The following ASTN1 variants were observed in gnomAD, a reference collection of about 807,000 sequenced individuals.
ASTN1 encodes astrotactin-1.
ASTN1 carries 41 observed loss-of-function variants against 140.7 expected under a neutral mutation model. That is an observed-to-expected ratio of 0.29 (90% confidence interval 0.23 to 0.38). ASTN1 has a LOEUF of 0.38. Ranked by LOEUF, ASTN1 falls within the 10% of genes least tolerant of loss-of-function variation. The probability of loss-of-function intolerance (pLI) is 1.00; values close to 1 mark genes in which losing one functional copy is unlikely to be tolerated. For missense variants in ASTN1, 1,479 were observed against 1,678.8 expected (o/e 0.88, Z 2.08); for synonymous variants, 640 against 652.2 (o/e 0.98, Z 0.29).
rs571388604 is a variant in ASTN1, at chr1:177,088,257, C to T, written c.284-26992G>A. 4.7e-4 allele frequency among the ~76,000 whole-genome samples: 71 copies of T among 152,288 alleles called. 1 individual carries two copies. In the South Asian group the frequency reaches 0.014, roughly 30 times the overall value. ...CCTTACACGTGGGGATGCTTGCGTG[C>T]CTGTCGCCTCGGCTACCTTGGTGAA... On this transcript the variant is annotated intron_variant, in intron 1 of 22. Transcript: ENST00000361833.
At chr1:176,994,122 A>G (rs1470308662) in intron 8 of ASTN1, among the ~76,000 whole-genome samples, 2 of 147,830 alleles carry the variant, frequency 1.4e-5, no homozygotes, top group Non-Finnish European at 3.0e-5. Context: ...CCACCCACCA[A>G]TGAGAACTAA....
chr1:176,944,178 A>G (rs866252528), intron 13 of ASTN1, among the ~76,000 whole-genome samples, 160 bp from the exon 14 acceptor site: 1 of 152,068 alleles, frequency 6.6e-6, no homozygotes, highest in Admixed American at 6.6e-5. Context: ...CCAGGGTTCA[A>G]GCAATTCTCC....
chr1:176,936,263 C>T lies in ASTN1; in HGVS notation c.2482+3G>A, dbSNP rs1219424250. The T allele has an allele frequency of 2.5e-6, 4 of 1,613,054 alleles. No individual in the cohort carries two copies. Among genetic ancestry groups the T allele is most frequent in the Non-Finnish European group, 3.4e-6 (4 of 1,179,034 alleles). ...GGGCAGGATAGCCTGCAGCAGTGCT[C>T]ACCCTGAGAGATGGCCACTTGGTTG... On this transcript the variant is annotated splice_donor_region_variant and intron_variant, in intron 15 of 22. Coordinates refer to ENST00000361833, the MANE Select transcript of ASTN1 (RefSeq NM_004319.3).
chr1:177,115,474 T>TA (rs1681039351), intron 1 of ASTN1, among the ~76,000 whole-genome samples: 1 of 151,912 alleles, frequency 6.6e-6, no homozygotes, highest in East Asian at 1.9e-4. Flanking sequence ...GAGTTCAACA[T>TA]GGTGAACCCC....
chr1:176,965,838 T>C (rs1354815214), intron 8 of ASTN1, among the ~76,000 whole-genome samples: 1 of 152,230 alleles, frequency 6.6e-6, no homozygotes, highest in Non-Finnish European at 1.5e-5. Context: ...TCTGGGTCTT[T>C]GATAGGTTTC....
intron 1 of ASTN1, among the ~76,000 whole-genome samples, chr1:177,095,791 C>T (rs997122096): frequency 2.6e-5 from 4 of 152,108 alleles, no homozygotes; most frequent in Non-Finnish European, 5.9e-5. Context: ...GCAGGGCCAC[C>T]CTTGCAACTC....
chr1:176,990,688 C>A (rs1347234011), intron 8 of ASTN1, among the ~76,000 whole-genome samples: 1 of 151,986 alleles, frequency 6.6e-6, no homozygotes, highest in African/African-American at 2.4e-5. Flanking sequence ...CCTAGGTAAT[C>A]CCCCCAGAGA....
chr1:176,940,380 C>T (rs530969841), intron 14 of ASTN1, among the ~76,000 whole-genome samples: 4 of 152,268 alleles, frequency 2.6e-5, no homozygotes, highest in South Asian at 4.1e-4. Flanking sequence ...CCAAACAACC[C>T]GGACTTGATT....
At chr1:177,011,975 T>C (rs545610369) in intron 8 of ASTN1, among the ~76,000 whole-genome samples, 34 of 152,330 alleles carry the variant, frequency 2.2e-4, no homozygotes, top group African/African-American at 7.9e-4. Context: ...CTATTTGGCC[T>C]AGGATTTGGT....
intron 12 of ASTN1, among the ~76,000 whole-genome samples, chr1:176,947,470 G>A (rs193134988): frequency 2.6e-5 from 4 of 152,058 alleles, no homozygotes; most frequent in Non-Finnish European, 5.9e-5. Context: ...GGACTTCTTC[G>A]GCACGCTATA....
intron 1 of ASTN1, among the ~76,000 whole-genome samples, chr1:177,063,198 A>G (rs1423641319): frequency 1.3e-5 from 2 of 152,194 alleles, no homozygotes; most frequent in African/African-American, 4.8e-5. Flanking sequence ...CCTGTCTCAA[A>G]AGACACTGAT....
chr1:176,862,546 G>T lies in ASTN1; in HGVS notation c.*1738C>A, dbSNP rs976906365. On this transcript the variant is annotated 3_prime_UTR_variant, in exon 23 of 23. Coordinates refer to ENST00000361833, the MANE Select transcript of ASTN1 (RefSeq NM_004319.3). Reference sequence around the variant, plus strand: ...TGAGAGCTTGGACAGTTGTGTGCCAGATGATACTGAAAACAGAACTGGGTA... The same window carrying T: ...TGAGAGCTTGGACAGTTGTGTGCCATATGATACTGAAAACAGAACTGGGTA... 6.1e-6 allele frequency: 6 copies of T among 985,386 alleles called. No individual in the cohort carries two copies. The highest frequency in any genetic ancestry group is 5.2e-4 in the Middle Eastern group (1 of 1,912). The allele number at this position is 985,386 out of a possible 1,614,324, so 61.0% of individuals were successfully genotyped here.
intron 1 of ASTN1, among the ~76,000 whole-genome samples, chr1:177,158,793 C>T (rs531054004): frequency 2.4e-4 from 37 of 151,436 alleles, no homozygotes; most frequent in African/African-American, 8.7e-4. Flanking sequence ...CGTGGTGGCT[C>T]ACGCCTGTAA....
At chr1:176,967,048 T>C (rs1672922531) in intron 8 of ASTN1, among the ~76,000 whole-genome samples, 1 of 152,172 alleles carries the variant, frequency 6.6e-6, no homozygotes, top group African/African-American at 2.4e-5. Flanking sequence ...AGAGTCTTTA[T>C]TTGTTGCTAG....
At chr1:177,023,378 A>AC in intron 7 of ASTN1, 26 bp downstream of exon 7, 1 of 1,558,050 alleles carries the variant, frequency 6.4e-7, no homozygotes, top group Non-Finnish European at 8.7e-7. Flanking sequence ...TCTGACAGTT[A>AC]CCCGCTGCCC....
At chr1:177,102,923 A>G (rs988639472) in intron 1 of ASTN1, among the ~76,000 whole-genome samples, 12 of 152,228 alleles carry the variant, frequency 7.9e-5, no homozygotes, top group Non-Finnish European at 2.9e-5. Context: ...GAGTTATCAG[A>G]ACTCAGACTG....
At chr1:177,007,811 T>C (rs1675071954) in intron 8 of ASTN1, among the ~76,000 whole-genome samples, 1 of 152,182 alleles carries the variant, frequency 6.6e-6, no homozygotes, top group Non-Finnish European at 1.5e-5. Context: ...TCAGCACTAG[T>C]TCATCAAAGG....
At chr1:177,025,495 A>G in intron 5 of ASTN1, among the ~76,000 whole-genome samples, 1 of 141,258 alleles carries the variant, frequency 7.1e-6, no homozygotes, top group Non-Finnish European at 1.5e-5. Flanking sequence ...CCTGTTGGGG[A>G]GAAGACGAAA....
In ASTN1 at chr1:176,980,048, T is replaced by A. The variant is rs576549946; in HGVS notation, c.1524-14811A>T. 4.0e-5 allele frequency among the ~76,000 whole-genome samples: 6 copies of A among 151,588 alleles called. No homozygotes were observed. The South Asian group carries it at 8.4e-4, about 21-fold the overall frequency. ...AAAAACCATGTGGAGCGTTAAAGGG[T>A]CAAGGGATCACTTGACATTTGAATA... is the stretch of plus-strand genomic sequence containing the variant. On this transcript the variant is annotated intron_variant, in intron 8 of 22. Transcript: ENST00000361833.
Sources: allele counts gnomAD v4.1 joint callset (sites outside exome capture counted in the v4.1 genomes callset), GRCh38; gene constraint gnomAD v4.1.1; transcripts MANE v1.5; gene names NCBI Gene and HGNC (gene_info 2026-07-23, HGNC 2026-07-21).